Variants in TUBGCP3 observed in about 807,000 individuals in gnomAD.
TUBGCP3 encodes tubulin gamma complex component 3.
In TUBGCP3, 50 loss-of-function variants were observed where a neutral mutation model predicts 123.1. The observed-to-expected ratio is 0.41, with a 90% CI of 0.32 to 0.51. The LOEUF (loss-of-function observed/expected upper bound fraction) is 0.51, where lower values mean the gene tolerates loss of function less well. TUBGCP3 is among the 20% of genes least tolerant of loss of function. The pLI is 0.36. For synonymous variants in TUBGCP3, 405 were observed against 413.9 expected (o/e 0.98, Z 0.26); for missense variants, 882 against 1,127.0 (o/e 0.78, Z 3.11).
chr13:112,556,418 TC>T (rs533546366), intron 5 of TUBGCP3, among the ~76,000 whole-genome samples, 194 bp from the exon 6 acceptor site: 52 of 152,306 alleles, frequency 3.4e-4, no homozygotes, highest in Non-Finnish European at 6.0e-4. Flanking sequence ...TGGTCAAGCC[TC>T]CTTGCGACCC....
At chr13:112,505,540 C>T (rs1881236043) in intron 17 of TUBGCP3, among the ~76,000 whole-genome samples, 1 of 152,336 alleles carries the variant, frequency 6.6e-6, no homozygotes, top group African/African-American at 2.4e-5. Context: ...ACTTAAGCCT[C>T]TTTATAGAGG....
chr13:112,580,153 G>A (rs1022572523), intron 1 of TUBGCP3, among the ~76,000 whole-genome samples: 4 of 152,082 alleles, frequency 2.6e-5, no homozygotes, highest in African/African-American at 4.8e-5. Context: ...GGATGGTGGC[G>A]GCCAGCACAA....
At chr13:112,503,616 C>T (rs1299243158) in intron 19 of TUBGCP3, among the ~76,000 whole-genome samples, 1 of 152,122 alleles carries the variant, frequency 6.6e-6, no homozygotes, top group East Asian at 1.9e-4. Context: ...GATCCACCCG[C>T]CTCGGCCTCC....
At chr13:112,567,709 A>G (rs565276882) in intron 2 of TUBGCP3, among the ~76,000 whole-genome samples, 1 of 152,332 alleles carries the variant, frequency 6.6e-6, no homozygotes, top group East Asian at 1.9e-4. Flanking sequence ...CAAAAGCACT[A>G]TGTCTAGGTG....
At chr13:112,521,633 T>G in intron 14 of TUBGCP3, 1 of 982,612 alleles carries the variant, frequency 1.0e-6, no homozygotes, top group South Asian at 4.7e-5. Context: ...AAGTTACTAT[T>G]TTGTGTCTTA....
At chr13:112,513,769 C>T (rs1442216474) in intron 17 of TUBGCP3, among the ~76,000 whole-genome samples, 7 of 152,194 alleles carry the variant, frequency 4.6e-5, no homozygotes, top group Non-Finnish European at 1.0e-4. Flanking sequence ...AACAGAAACA[C>T]AGGTAAAACA....
chr13:112,605,337 T>TAATAATAATAACAAC, the TUBGCP3 span: 1 of 147,282 alleles, frequency 6.8e-6, no homozygotes, highest in South Asian at 2.1e-4. Context: ...ATAATAATAA[T>TAATAATAATAACAAC]AACAACAGCT....
chr13:112,523,963 CT>C (rs1876832501), intron 13 of TUBGCP3, among the ~76,000 whole-genome samples: 1 of 152,146 alleles, frequency 6.6e-6, no homozygotes, highest in East Asian at 1.9e-4. Flanking sequence ...ACAGCAGAAA[CT>C]TTGCTCTCCG....
Position 112,519,063 on chromosome 13 carries a change from C to A in TUBGCP3, c.1882-20G>T, listed in dbSNP as rs1876399001. On this transcript the variant is annotated intron_variant, in intron 15 of 21. Coordinates refer to ENST00000261965, the MANE Select transcript of TUBGCP3 (RefSeq NM_006322.6). The surrounding 1 kb of genome is among the most constrained non-coding windows in gnomAD (Gnocchi z 6.2). ...AGAGACCTAACAACAGAAACAAACACATAATTGCAAGACCTTAAGCTTCTT... is the reference window on the plus strand; with the variant it reads ...AGAGACCTAACAACAGAAACAAACAAATAATTGCAAGACCTTAAGCTTCTT... 6.2e-7 allele frequency: 1 copy of A among 1,602,410 alleles called. No individual in the cohort carries two copies. Among genetic ancestry groups the A allele is most frequent in the East Asian group, 2.2e-5 (1 of 44,816 alleles).
intron 1 of TUBGCP3, among the ~76,000 whole-genome samples, chr13:112,586,617 GA>G (rs1882624805): frequency 6.6e-6 from 1 of 152,082 alleles, no homozygotes; most frequent in South Asian, 2.1e-4. Flanking sequence ...AAATATCTCA[GA>G]GGCTTTCCCT....
Position 112,548,134 on chromosome 13 carries a change from G to T in TUBGCP3, c.1009C>A (p.Arg337=). The T allele has an allele frequency of 6.2e-7, 1 of 1,603,440 alleles. No homozygotes were observed. The highest frequency in any genetic ancestry group is 1.1e-5 in the South Asian group (1 of 88,520). ...ALHQELREYY[R]LLSVLHSQLQ... ...TGAGAATGTAAAACAGAGAGCAATC[G>T]ATAGTATTCTCTGAGTTCCTGGTGC... is the stretch of plus-strand genomic sequence containing the variant. The change falls in exon 9 of 22, where the codon CGA becomes AGA. Residue 337 remains arginine, a synonymous_variant. Transcript: ENST00000261965.
chr13:112,492,676 A>T (rs1880182405), intron 20 of TUBGCP3, among the ~76,000 whole-genome samples: 1 of 151,212 alleles, frequency 6.6e-6, no homozygotes, highest in African/African-American at 2.4e-5. Context: ...TGGCTATGGG[A>T]ACGGGGCCTG....
intron 1 of TUBGCP3, among the ~76,000 whole-genome samples, chr13:112,581,315 G>A (rs1882259984): frequency 6.9e-6 from 1 of 144,654 alleles, no homozygotes; most frequent in Admixed American, 6.7e-5. Flanking sequence ...GTTTTGTGGG[G>A]TCACAGGGTC....
At position 112,527,473 on chromosome 13, in the gene TUBGCP3, T is replaced by C. The variant is rs1363395288; in HGVS notation, c.1347A>G (p.Ala449=). Residue 449 remains alanine (A), a synonymous_variant, in exon 12 of 22, where the codon GCA becomes GCG. Transcript: ENST00000261965. ...GATCTGTTTTAACTGTTGGATCTGA[T>C]GCTACAAAAAACTGAAAGCAAAGGG... ...LEDTYHEFFV[A]SDPTVKTDRL... 6.2e-7 allele frequency: 1 copy of C among 1,612,756 alleles called. No homozygotes were observed. Among genetic ancestry groups the C allele is most frequent in the Non-Finnish European group, 8.5e-7 (1 of 1,179,362 alleles).
chr13:112,562,548 C>T (rs1344514691), intron 3 of TUBGCP3, among the ~76,000 whole-genome samples: 1 of 152,190 alleles, frequency 6.6e-6, no homozygotes, highest in Non-Finnish European at 1.5e-5. Context: ...TAAGCCAGCT[C>T]CAGCTGAAGC....
intron 11 of TUBGCP3, among the ~76,000 whole-genome samples, chr13:112,535,989 G>A (rs943957814): frequency 6.6e-6 from 1 of 152,180 alleles, no homozygotes; most frequent in African/African-American, 2.4e-5. Flanking sequence ...CATGCATCCA[G>A]TTGTCCTGTT....
upstream of TUBGCP3, among the ~76,000 whole-genome samples, chr13:112,591,959 G>C (rs1351093453): frequency 6.6e-6 from 1 of 152,184 alleles, no homozygotes; most frequent in Non-Finnish European, 1.5e-5. Flanking sequence ...CCCTGGCCCA[G>C]GAGCACTGGA....
Position 112,578,387 on chromosome 13 carries a change from G to A in TUBGCP3, c.77-9128C>T, listed in dbSNP as rs1050137287. 4.0e-5 allele frequency among the ~76,000 whole-genome samples: 6 copies of A among 150,182 alleles called. No homozygotes were observed. In the East Asian group the frequency reaches 5.9e-4, roughly 15 times the overall value. The stretch of plus-strand genomic sequence containing the variant: ...ATCCTGGCTAACACGGTGAAACCCC[G>A]TCTCTACTAAAAATACAAAAAATTA... On this transcript the variant is annotated intron_variant, in intron 1 of 21. Transcript: ENST00000261965.
chr13:112,544,022 T>C (rs1311432925), intron 11 of TUBGCP3, among the ~76,000 whole-genome samples: 1 of 152,118 alleles, frequency 6.6e-6, no homozygotes, highest in African/African-American at 2.4e-5. Flanking sequence ...GTGCATTAGG[T>C]GAAAATATTC....
Sources: allele counts gnomAD v4.1 joint callset (sites outside exome capture counted in the v4.1 genomes callset), GRCh38; gene constraint gnomAD v4.1.1; non-coding constraint Gnocchi (gnomAD v3.1); transcripts MANE v1.5; gene names NCBI Gene and HGNC (gene_info 2026-07-23, HGNC 2026-07-21).